Variants in KDM4C observed in about 807,000 individuals in gnomAD.
KDM4C encodes lysine demethylase 4C.
KDM4C carries 81 observed loss-of-function variants against 129.3 expected under a neutral mutation model. The ratio of observed to expected loss-of-function variants is 0.63; its 90% confidence interval spans 0.52 to 0.75. The LOEUF is 0.75. KDM4C is among the 30% of genes least tolerant of loss of function. KDM4C has a pLI of 0.00. For missense variants in KDM4C, 1,457 were observed against 1,304.0 expected, an observed-to-expected ratio of 1.12 and a Z score of -1.81; for synonymous variants, 573 against 456.1, an observed-to-expected ratio of 1.26 and a Z score of -3.26.
chr9:7,114,478 A>T (rs1374047223), intron 18 of KDM4C, among the ~76,000 whole-genome samples: 1 of 152,242 alleles, frequency 6.6e-6, no homozygotes, highest in Non-Finnish European at 1.5e-5. Context: ...TCGCATTTTC[A>T]TTAGTAAAAC....
At chr9:6,945,462 A>G (rs545903223) in intron 8 of KDM4C, among the ~76,000 whole-genome samples, 1 of 152,246 alleles carries the variant, frequency 6.6e-6, no homozygotes, top group East Asian at 1.9e-4. Context: ...TTATTTGCCT[A>G]AATGTTTGTA....
intron 5 of KDM4C, among the ~76,000 whole-genome samples, chr9:6,856,897 A>G (rs959185475): frequency 6.6e-6 from 1 of 151,838 alleles, no homozygotes; most frequent in East Asian, 1.9e-4. Flanking sequence ...AGCTGGGACT[A>G]CAGGCGCCCG....
chr9:6,950,735 G>A (rs954456368), intron 8 of KDM4C, among the ~76,000 whole-genome samples: 8 of 152,132 alleles, frequency 5.3e-5, no homozygotes. Context: ...AGTTTTCAGG[G>A]AGAGAAAGCA....
At chr9:6,834,853 C>A (rs768503937) in intron 4 of KDM4C, 3 of 1,357,692 alleles carry the variant, frequency 2.2e-6, no homozygotes, top group Middle Eastern at 1.8e-4. Context: ...CAGCCATGTA[C>A]ATGGCCATCC....
intron 11 of KDM4C, 137 bp downstream of exon 11, chr9:6,986,803 C>A: frequency 1.6e-6 from 1 of 623,024 alleles, no homozygotes; most frequent in Non-Finnish European, 2.7e-6. Flanking sequence ...TAATCATATT[C>A]ATTCAATAAC....
chr9:7,084,841 A>G (rs1447603262), intron 17 of KDM4C, among the ~76,000 whole-genome samples: 1 of 152,204 alleles, frequency 6.6e-6, no homozygotes, highest in Non-Finnish European at 1.5e-5. Context: ...ATAAAGATGA[A>G]CAAGAACATA....
At chr9:6,838,570 C>T (rs531354910) in intron 4 of KDM4C, among the ~76,000 whole-genome samples, 2 of 152,150 alleles carry the variant, frequency 1.3e-5, no homozygotes, top group South Asian at 4.2e-4. Context: ...TTTTTGTACT[C>T]ATATTTGCCT....
intron 19 of KDM4C, among the ~76,000 whole-genome samples, chr9:7,146,038 T>TA (rs1185640847): frequency 6.6e-6 from 1 of 152,220 alleles, no homozygotes; most frequent in Non-Finnish European, 1.5e-5. Flanking sequence ...ATTGAACACT[T>TA]ACCAGTGCAG....
intron 15 of KDM4C, among the ~76,000 whole-genome samples, chr9:7,031,460 C>T (rs1252801341): frequency 1.3e-5 from 2 of 152,156 alleles, no homozygotes; most frequent in Non-Finnish European, 2.9e-5. Flanking sequence ...TGCACCTGGC[C>T]AGTTTTTTTA....
intron 8 of KDM4C, among the ~76,000 whole-genome samples, chr9:6,960,556 G>A (rs1287537621): frequency 6.6e-6 from 1 of 152,150 alleles, no homozygotes; most frequent in Non-Finnish European, 1.5e-5. Context: ...ACTGTGCGTG[G>A]CCTATAAAAA....
chr9:6,880,401 T>A (rs1391841323), intron 6 of KDM4C, among the ~76,000 whole-genome samples: 5 of 152,344 alleles, frequency 3.3e-5, no homozygotes, highest in East Asian at 3.9e-4. Flanking sequence ...AATTTTTTTT[T>A]AAATTAAGTT....
intron 15 of KDM4C, among the ~76,000 whole-genome samples, chr9:7,019,321 G>A (rs987443475): frequency 1.3e-5 from 2 of 152,066 alleles, no homozygotes; most frequent in Non-Finnish European, 2.9e-5. Flanking sequence ...CACTCCAGAG[G>A]AGCCCTAGCC....
intron 12 of KDM4C, 134 bp downstream of exon 12, chr9:6,990,658 T>C: frequency 3.3e-6 from 2 of 605,598 alleles, no homozygotes; most frequent in Non-Finnish European, 5.9e-6. Flanking sequence ...TCATACATAA[T>C]AAATAATTTA....
intron 8 of KDM4C, among the ~76,000 whole-genome samples, chr9:6,957,725 G>A (rs1325840334): frequency 1.3e-5 from 2 of 152,150 alleles, no homozygotes; most frequent in Admixed American, 6.5e-5. Context: ...GCCATGTCAA[G>A]CCAGGGTGGT....
At chr9:6,969,405 A>G (rs1369003457) in intron 8 of KDM4C, among the ~76,000 whole-genome samples, 1 of 152,204 alleles carries the variant, frequency 6.6e-6, no homozygotes, top group Non-Finnish European at 1.5e-5. Flanking sequence ...CACATTAAGA[A>G]CATAGGGTTT....
intron 4 of KDM4C, among the ~76,000 whole-genome samples, chr9:6,818,153 C>T (rs1832463272): frequency 6.6e-6 from 1 of 152,146 alleles, no homozygotes; most frequent in Admixed American, 6.5e-5. Flanking sequence ...CATGCGTGTT[C>T]ATGTTTACCA....
At chr9:6,811,887 G>A (rs991513918) in intron 3 of KDM4C, among the ~76,000 whole-genome samples, 2 of 152,094 alleles carry the variant, frequency 1.3e-5, no homozygotes, top group Admixed American at 1.3e-4. Flanking sequence ...AATCAGTATC[G>A]GGCAAATTTA....
At chr9:7,143,540 T>G (rs1841958478) in intron 19 of KDM4C, among the ~76,000 whole-genome samples, 1 of 152,222 alleles carries the variant, frequency 6.6e-6, no homozygotes, top group Admixed American at 6.5e-5. Flanking sequence ...CACCCTCCTT[T>G]TATGTGTTTT....
chr9:6,935,762 G>A (rs1306098330), intron 8 of KDM4C, among the ~76,000 whole-genome samples: 1 of 152,116 alleles, frequency 6.6e-6, no homozygotes, highest in African/African-American at 2.4e-5. Flanking sequence ...TTGCTTTAAT[G>A]TATGTCTTTG....
Sources: allele counts gnomAD v4.1 joint callset (sites outside exome capture counted in the v4.1 genomes callset), GRCh38; gene constraint gnomAD v4.1.1; transcripts MANE v1.5; gene names NCBI Gene and HGNC (gene_info 2026-07-23, HGNC 2026-07-21).